The following CCDC73 variants were observed in gnomAD, a reference collection of about 807,000 sequenced individuals.
The protein encoded by CCDC73 is coiled-coil domain containing 73, also known as coiled-coil domain-containing protein 73.
Under a neutral mutation model 116.5 loss-of-function variants are expected in CCDC73, and 95 were observed. The ratio of observed to expected loss-of-function variants is 0.82; its 90% CI spans 0.69 to 0.97. CCDC73 has a LOEUF of 0.97. CCDC73 is among the 50% of genes least tolerant of loss of function. The probability of loss-of-function intolerance (pLI) is 0.00; values close to 1 mark genes in which losing one functional copy is unlikely to be tolerated. For missense variants in CCDC73, 1,066 were observed against 1,206.8 expected (o/e 0.88, Z 1.73); for synonymous variants, 398 against 401.3 (o/e 0.99, Z 0.10).
intron 3 of CCDC73, 29 bp from the exon 4 acceptor site, chr11:32,702,973 C>A (rs1423247527): frequency 2.8e-6 from 4 of 1,453,690 alleles, no homozygotes; most frequent in Non-Finnish European, 3.9e-6. Context: ...CAAGTTAAAA[C>A]ACAAATTCTA....
intron 14 of CCDC73, among the ~76,000 whole-genome samples, chr11:32,630,752 A>C (rs1372957006): frequency 6.6e-6 from 1 of 152,218 alleles, no homozygotes; most frequent in Non-Finnish European, 1.5e-5. Flanking sequence ...CAATATGTAC[A>C]TTTTACTACA....
chr11:32,818,848 G>A, the CCDC73 span, among the ~76,000 whole-genome samples: 1 of 152,194 alleles, frequency 6.6e-6, no homozygotes, highest in Non-Finnish European at 1.5e-5. Flanking sequence ...TATATGAAAT[G>A]TCCAGAATAG....
In CCDC73 at chr11:32,702,867, A is replaced by T. The variant is rs531042810; in HGVS notation, c.279+6T>A. ...TGGTAGTGTTTGTCTATCCTTATGAAATTACCTGCTTTTTAAAAACTGCCA... is the reference window on the plus strand; with the variant it reads ...TGGTAGTGTTTGTCTATCCTTATGATATTACCTGCTTTTTAAAAACTGCCA... On this transcript the variant is annotated splice_donor_region_variant and intron_variant, in intron 4 of 17. Transcript: ENST00000335185. 1 of 1,592,638 alleles carries T rather than the reference A, an allele frequency of 6.3e-7. No individual in the cohort carries two copies. The highest frequency in any genetic ancestry group is 1.7e-5 in the Admixed American group (1 of 59,970).
At chr11:32,626,581 A>G (rs1855576045) in intron 14 of CCDC73, among the ~76,000 whole-genome samples, 1 of 152,230 alleles carries the variant, frequency 6.6e-6, no homozygotes, top group Non-Finnish European at 1.5e-5. Flanking sequence ...AAACTATACT[A>G]CATGGCTACA....
chr11:32,776,948 TATATATATATATACAC>T (rs1850538637), intron 1 of CCDC73, among the ~76,000 whole-genome samples: 2 of 136,976 alleles, frequency 1.5e-5, no homozygotes, highest in South Asian at 2.2e-4. Flanking sequence ...TATATATATA[TATATATATATATACAC>T]ACACACACAT....
chr11:32,733,593 C>T (rs1333196317), intron 2 of CCDC73, among the ~76,000 whole-genome samples: 1 of 152,162 alleles, frequency 6.6e-6, no homozygotes, highest in Non-Finnish European at 1.5e-5. Flanking sequence ...TGCAATCAAA[C>T]TAGAACTCAG....
intron 10 of CCDC73, 95 bp downstream of exon 10, chr11:32,654,749 T>C (rs1309163083): frequency 5.3e-6 from 5 of 947,784 alleles, no homozygotes; most frequent in Non-Finnish European, 6.0e-6. Flanking sequence ...ATATTGACTT[T>C]GCAAAGGCGG....
chr11:32,815,488 A>G, the CCDC73 span, among the ~76,000 whole-genome samples: 1 of 152,180 alleles, frequency 6.6e-6, no homozygotes, highest in Non-Finnish European at 1.5e-5. Context: ...GGCGTGAGCC[A>G]CTGCGCCCAG....
intron 9 of CCDC73, among the ~76,000 whole-genome samples, chr11:32,666,428 C>G (rs1210894854): frequency 2.6e-5 from 4 of 152,182 alleles, no homozygotes; most frequent in African/African-American, 9.7e-5. Flanking sequence ...ATCACTGGTA[C>G]TCTTTCTTCC....
intron 1 of CCDC73, among the ~76,000 whole-genome samples, chr11:32,774,956 G>T (rs997452574): frequency 5.9e-5 from 9 of 152,164 alleles, no homozygotes; most frequent in Non-Finnish European, 8.8e-5. Flanking sequence ...CCACAGGAAG[G>T]TTTTAAGGTG....
chr11:32,717,218 A>G (rs1849953893), intron 3 of CCDC73, among the ~76,000 whole-genome samples: 1 of 152,254 alleles, frequency 6.6e-6, no homozygotes, highest in African/African-American at 2.4e-5. Flanking sequence ...AACAGAAATC[A>G]GCATAATTAC....
chr11:32,668,511 A>G (rs964252557), intron 9 of CCDC73, among the ~76,000 whole-genome samples: 1 of 148,242 alleles, frequency 6.7e-6, no homozygotes, highest in Non-Finnish European at 1.5e-5. Flanking sequence ...ATAAAATCAA[A>G]GATTGGATTT....
chr11:32,799,195 G>A (rs1850751453), upstream of CCDC73, among the ~76,000 whole-genome samples: 1 of 150,758 alleles, frequency 6.6e-6, no homozygotes, highest in African/African-American at 2.4e-5. Flanking sequence ...AGGTTCAAGT[G>A]ATTCTCCTGC....
At chr11:32,758,129 G>A (rs1157706726) in intron 2 of CCDC73, 1 of 189,954 alleles carries the variant, frequency 5.3e-6, no homozygotes, top group Non-Finnish European at 1.1e-5. Flanking sequence ...TCTAATGAAA[G>A]TAAGGGATTT....
chr11:32,698,056 A>C (rs1849773146), intron 6 of CCDC73, among the ~76,000 whole-genome samples: 3 of 116,732 alleles, frequency 2.6e-5, no homozygotes, highest in East Asian at 2.4e-4. Context: ...ACGGAGTCTC[A>C]CTCTGTCGCC....
chr11:32,704,688 T>C (rs932279672), intron 3 of CCDC73, among the ~76,000 whole-genome samples: 4 of 152,180 alleles, frequency 2.6e-5, no homozygotes, highest in South Asian at 2.1e-4. Context: ...CAGTTTTGGA[T>C]GAAGTGGTGG....
chr11:32,714,076 A>T (rs1371937628), intron 3 of CCDC73, among the ~76,000 whole-genome samples: 1 of 152,108 alleles, frequency 6.6e-6, no homozygotes, highest in Non-Finnish European at 1.5e-5. Context: ...ATCTCCAGGG[A>T]CAGGGTTACT....
chr11:32,679,234 T>A (rs1454397228), intron 7 of CCDC73, among the ~76,000 whole-genome samples: 1 of 152,204 alleles, frequency 6.6e-6, no homozygotes, highest in Non-Finnish European at 1.5e-5. Flanking sequence ...ACCATATTGC[T>A]TTCTTCTAAA....
At chr11:32,677,106 C>T (rs976027016) in intron 7 of CCDC73, among the ~76,000 whole-genome samples, 2 of 152,288 alleles carry the variant, frequency 1.3e-5, no homozygotes, top group East Asian at 3.9e-4. Context: ...GCTTCACTTT[C>T]TATGATGAGC....
Sources: allele counts gnomAD v4.1 joint callset (sites outside exome capture counted in the v4.1 genomes callset), GRCh38; gene constraint gnomAD v4.1.1; transcripts MANE v1.5; gene names NCBI Gene and HGNC (gene_info 2026-07-23, HGNC 2026-07-21).